The following SH3GL2 variants were observed in gnomAD, a reference collection of about 807,000 sequenced individuals.
The protein encoded by SH3GL2 is SH3 domain containing GRB2 like 2, endophilin A1.
Under a neutral mutation model 46.0 loss-of-function variants are expected in SH3GL2, and 24 were observed. The ratio of observed to expected loss-of-function variants is 0.52; its 90% CI spans 0.38 to 0.73. The LOEUF (loss-of-function observed/expected upper bound fraction) is 0.73, where lower values mean the gene tolerates loss of function less well. Among genes scored for constraint, SH3GL2 ranks in the 30% least tolerant of loss-of-function variants. The pLI is 0.00. For missense variants in SH3GL2, 413 were observed against 424.2 expected, an observed-to-expected ratio of 0.97 and a Z score of 0.23; for synonymous variants, 196 against 147.1, an observed-to-expected ratio of 1.33 and a Z score of -2.40.
chr9:17,688,402 G>A (rs1046626852), intron 1 of SH3GL2, among the ~76,000 whole-genome samples: 5 of 152,044 alleles, frequency 3.3e-5, no homozygotes, highest in Non-Finnish European at 5.9e-5. Flanking sequence ...GAGAAGTAAC[G>A]TACTGTTTAA....
intron 1 of SH3GL2, among the ~76,000 whole-genome samples, chr9:17,693,452 T>C (rs544973312): frequency 1.3e-5 from 2 of 152,306 alleles, no homozygotes; most frequent in South Asian, 2.1e-4. Flanking sequence ...AAAATAGGGA[T>C]AGAAAGTTTT....
At chr9:17,719,374 T>A (rs1469348922) in intron 1 of SH3GL2, among the ~76,000 whole-genome samples, 2 of 152,182 alleles carry the variant, frequency 1.3e-5, no homozygotes, top group Non-Finnish European at 2.9e-5. Flanking sequence ...TTCCAGTCAA[T>A]GTTTTCATGA....
Position 17,795,647 on chromosome 9 carries a change from C to G in SH3GL2, c.963C>G (p.Asn321Lys). 3.1e-6 allele frequency: 5 copies of G among 1,613,934 alleles called. No homozygotes were observed. Among genetic ancestry groups the G allele is most frequent in the Non-Finnish European group, 4.2e-6 (5 of 1,179,826 alleles). ...FKEGDIITLT[N>K]QIDENWYEGM... ...AGGGCGATATCATCACACTCACTAA[C>G]CAAATTGATGAGAACTGGTATGAGG... is the stretch of plus-strand genomic sequence containing the variant. Residue 321 changes from asparagine (N) to lysine (K), a missense_variant, in exon 9 of 9, where the codon AAC becomes AAG. Transcript: ENST00000380607.
chr9:17,677,906 G>A (rs1394962543), intron 1 of SH3GL2, among the ~76,000 whole-genome samples: 2 of 151,678 alleles, frequency 1.3e-5, no homozygotes, highest in Non-Finnish European at 2.9e-5. Flanking sequence ...GCGATAGTTT[G>A]CTGAGAATGA....
intron 2 of SH3GL2, among the ~76,000 whole-genome samples, chr9:17,751,672 A>G (rs917059460): frequency 6.6e-6 from 1 of 152,098 alleles, no homozygotes; most frequent in South Asian, 2.1e-4. Flanking sequence ...GTTACTAATA[A>G]TGTCACTTTT....
At chr9:17,768,963 C>G (rs1363992687) in intron 3 of SH3GL2, among the ~76,000 whole-genome samples, 1 of 152,224 alleles carries the variant, frequency 6.6e-6, no homozygotes, top group East Asian at 1.9e-4. Context: ...CTGTCTCCAT[C>G]TCGCTCCTTC....
intron 1 of SH3GL2, among the ~76,000 whole-genome samples, chr9:17,693,420 G>C (rs1821129918): frequency 6.6e-6 from 1 of 152,126 alleles, no homozygotes; most frequent in Non-Finnish European, 1.5e-5. Flanking sequence ...CTACTTTCTA[G>C]GAGTTGCCAT....
chr9:17,776,131 C>T (rs540634436), intron 3 of SH3GL2, among the ~76,000 whole-genome samples: 6 of 152,128 alleles, frequency 3.9e-5, no homozygotes, highest in African/African-American at 1.4e-4. Flanking sequence ...GCAGGGAACA[C>T]TCATTTTCAC....
intron 1 of SH3GL2, among the ~76,000 whole-genome samples, chr9:17,733,937 C>G (rs961026368): frequency 2.0e-5 from 3 of 152,164 alleles, no homozygotes; most frequent in African/African-American, 7.2e-5. Context: ...CACATGGCCT[C>G]TCACATTCTC....
chr9:17,580,979 G>C (rs1818266892), intron 1 of SH3GL2, among the ~76,000 whole-genome samples: 1 of 152,210 alleles, frequency 6.6e-6, no homozygotes, highest in Non-Finnish European at 1.5e-5. Context: ...GACCTTGAGA[G>C]AGTATTTAAC....
Position 17,685,651 on chromosome 9 carries a change from C to T in SH3GL2, c.46-61415C>T, listed in dbSNP as rs1021541363. Among the ~76,000 whole-genome samples the T allele has an allele frequency of 2.0e-5, 3 of 152,186 alleles. No homozygotes were observed. The South Asian group carries it at 6.2e-4, about 32-fold the overall frequency. Reference sequence around the variant, plus strand: ...AAGGTGTGAGGAAGGGATCCAGTTTCAGCTTTCTACATATGGCTAGCCAGT... The same window carrying T: ...AAGGTGTGAGGAAGGGATCCAGTTTTAGCTTTCTACATATGGCTAGCCAGT... On this transcript the variant is annotated intron_variant, in intron 1 of 8. Transcript: ENST00000380607.
At position 17,579,203 on chromosome 9, in the gene SH3GL2, T is replaced by C. The variant is rs1476817546; in HGVS notation, c.-40T>C. The C allele has an allele frequency of 1.3e-6, 2 of 1,491,348 alleles. No individual in the cohort carries two copies. Among genetic ancestry groups the C allele is most frequent in the Non-Finnish European group, 1.8e-6 (2 of 1,110,454 alleles). 92.4% of individuals were successfully genotyped at this position (1,491,348 alleles called of 1,614,324 possible). A position where few individuals can be genotyped will look rare whatever the true frequency, so the allele number is the denominator to read the frequency against. On this transcript the variant is annotated 5_prime_UTR_variant, in exon 1 of 9. Transcript: ENST00000380607. ...GGCCCTCCAGTCCCCCTCCGCCTCC[T>C]CCCTCCCGCACAGCAGCCGCCAGCG...
rs994579004 is a variant in SH3GL2, at chr9:17,579,107, C to T, written c.-136C>T. On this transcript the variant is annotated 5_prime_UTR_variant, in exon 1 of 9. Coordinates refer to ENST00000380607, the MANE Select transcript of SH3GL2 (RefSeq NM_003026.5). ...GCAAGAGCCCGTGTCCCGCTAGGCT[C>T]CGCGCCCTCGCGCCCATAGCCCCGG... 41 of 527,626 alleles carry T rather than the reference C, an allele frequency of 7.8e-5. No homozygotes were observed. Among genetic ancestry groups the T allele is most frequent in the Non-Finnish European group, 9.5e-6 (3 of 314,254 alleles). The allele number at this position is 527,626 out of a possible 1,614,324, so 32.7% of individuals were successfully genotyped here.
At chr9:17,756,661 T>A (rs932157592) in intron 2 of SH3GL2, among the ~76,000 whole-genome samples, 1 of 152,142 alleles carries the variant, frequency 6.6e-6, no homozygotes, top group Non-Finnish European at 1.5e-5. Context: ...GAACTCATCA[T>A]TTTTTATGGC....
At chr9:17,638,964 T>A (rs377250403) in intron 1 of SH3GL2, among the ~76,000 whole-genome samples, 97 of 152,346 alleles carry the variant, frequency 6.4e-4, no homozygotes, top group African/African-American at 2.2e-3. Context: ...GAGGCTAATC[T>A]ATCAATTATT....
At chr9:17,712,004 T>C (rs1304729090) in intron 1 of SH3GL2, among the ~76,000 whole-genome samples, 1 of 151,826 alleles carries the variant, frequency 6.6e-6, no homozygotes, top group East Asian at 1.9e-4. Flanking sequence ...TTTTTTCCAC[T>C]CTGATAGGTG....
chr9:17,593,966 C>T (rs1818527926), intron 1 of SH3GL2, among the ~76,000 whole-genome samples: 1 of 152,146 alleles, frequency 6.6e-6, no homozygotes, highest in African/African-American at 2.4e-5. Context: ...CTCAGTTGCA[C>T]AGCTGAGGTA....
At chr9:17,655,473 A>G (rs1036559940) in intron 1 of SH3GL2, among the ~76,000 whole-genome samples, 1 of 152,094 alleles carries the variant, frequency 6.6e-6, no homozygotes, top group Admixed American at 6.5e-5. Context: ...CTGCTTCATG[A>G]TATGTTTTAT....
chr9:17,781,912 A>T (rs1218277805), intron 3 of SH3GL2, among the ~76,000 whole-genome samples: 2 of 152,080 alleles, frequency 1.3e-5, no homozygotes, highest in South Asian at 2.1e-4. Context: ...AATACATTAC[A>T]GCCTCACCCA....
Sources: gnomAD v4.1 joint callset for allele counts (sites outside exome capture counted in the v4.1 genomes callset) on GRCh38, gnomAD v4.1.1 for gene constraint, MANE v1.5 for transcripts, NCBI Gene and HGNC (gene_info 2026-07-23, HGNC 2026-07-21) for gene names.